The following ZNF385D variants were observed in gnomAD, a reference collection of about 807,000 sequenced individuals.
The protein encoded by ZNF385D is zinc finger protein 659.
A neutral mutation model predicts 35.8 loss-of-function variants in ZNF385D; 15 were observed. That is an observed-to-expected ratio of 0.42 (90% CI 0.28 to 0.64). ZNF385D has a LOEUF of 0.64. ZNF385D is among the 30% of genes least tolerant of loss of function. ZNF385D has a pLI of 0.23. For missense variants in ZNF385D, 474 were observed against 494.6 expected (o/e 0.96, Z 0.39); for synonymous variants, 212 against 186.8 (o/e 1.13, Z -1.10).
At chr3:22,272,303 T>C (rs1264425555) in intron 2 of ZNF385D, among the ~76,000 whole-genome samples, 1 of 151,982 alleles carries the variant, frequency 6.6e-6, no homozygotes, top group African/African-American at 2.4e-5. Flanking sequence ...CATAATCTAT[T>C]GTCTTTCCCG....
intron 3 of ZNF385D, among the ~76,000 whole-genome samples, chr3:22,064,840 G>C (rs895425948): frequency 2.0e-5 from 3 of 152,156 alleles, no homozygotes; most frequent in Admixed American, 2.0e-4. Flanking sequence ...AGTTAGAGAG[G>C]AGGAAGAATC....
At chr3:21,961,539 A>C (rs138106514) in intron 3 of ZNF385D, 22 of 152,300 alleles carry the variant, frequency 1.4e-4, no homozygotes, top group Non-Finnish European at 2.6e-4. Context: ...CCTTAGAACA[A>C]ACTATAGTGA....
chr3:22,050,389 AACC>A (rs879265971), intron 3 of ZNF385D, among the ~76,000 whole-genome samples: 11 of 152,238 alleles, frequency 7.2e-5, no homozygotes, highest in Non-Finnish European at 1.5e-4. Context: ...CAAACAAAAA[AACC>A]ACCACCACAA....
At chr3:21,424,134 T>A in intron 6 of ZNF385D, 70 bp from the exon 7 acceptor site, 1 of 1,340,862 alleles carries the variant, frequency 7.5e-7, no homozygotes, top group African/African-American at 1.5e-5. Context: ...AATATTGCTT[T>A]AACCTGGAGA....
At chr3:21,504,138 A>G (rs751257352) in intron 4 of ZNF385D, among the ~76,000 whole-genome samples, 4 of 152,136 alleles carry the variant, frequency 2.6e-5, no homozygotes, top group African/African-American at 4.8e-5. Context: ...GACTTTACCA[A>G]TTAGATGACT....
At chr3:21,547,906 C>T (rs561087052) in intron 3 of ZNF385D, among the ~76,000 whole-genome samples, 5 of 152,208 alleles carry the variant, frequency 3.3e-5, no homozygotes, top group South Asian at 4.1e-4. Context: ...CCAATGCACC[C>T]GGCCACACGT....
rs145192724 is a variant in ZNF385D, at chr3:22,023,002, A to C, written c.325+145815T>G. 2.4e-3 allele frequency among the ~76,000 whole-genome samples: 363 copies of C among 152,270 alleles called. 2 individuals are homozygous for C. The highest frequency in any genetic ancestry group is 5.4e-3 in the Admixed American group (82 of 15,284). On this transcript the variant is annotated intron_variant, in intron 3 of 5. Transcript: ENST00000494108. Reference sequence around the variant, plus strand: ...AAAGAAGGCAAATAAACAGAACACAAAATAAAAGTACACAGTTCTCTGTTC... The same window carrying C: ...AAAGAAGGCAAATAAACAGAACACACAATAAAAGTACACAGTTCTCTGTTC...
At chr3:22,037,156 G>C (rs1001509383) in intron 3 of ZNF385D, among the ~76,000 whole-genome samples, 4 of 151,834 alleles carry the variant, frequency 2.6e-5, no homozygotes, top group East Asian at 3.9e-4. Flanking sequence ...ATTGTGAATA[G>C]TGCCGCAATA....
At position 21,489,783 on chromosome 3, in the gene ZNF385D, G is replaced by A. The variant is rs542471508; in HGVS notation, c.439+21078C>T. On this transcript the variant is annotated intron_variant, in intron 4 of 7. Transcript: ENST00000281523. ...GGGTTATGGACCTCTAGAAGTCTAG[G>A]AAGTTCCTGGTTCCAGACCTCCAGC... is the stretch of plus-strand genomic sequence containing the variant. Among the ~76,000 whole-genome samples, 42 of 152,152 alleles carry A rather than the reference G, an allele frequency of 2.8e-4. 1 individual carries two copies. In the South Asian group the frequency reaches 5.2e-3, roughly 19 times the overall value.
intron 2 of ZNF385D, among the ~76,000 whole-genome samples, chr3:21,661,850 A>G (rs2066246415): frequency 1.3e-5 from 2 of 152,150 alleles, no homozygotes; most frequent in Admixed American, 6.5e-5. Context: ...TTACTTTTAT[A>G]GACGTTTCAT....
At chr3:22,286,666 T>A (rs1702040463) in intron 2 of ZNF385D, among the ~76,000 whole-genome samples, 1 of 152,172 alleles carries the variant, frequency 6.6e-6, no homozygotes, top group Non-Finnish European at 1.5e-5. Context: ...TGTTCAAAAG[T>A]ATGTTTCATT....
chr3:21,971,922 T>C (rs1451470648), intron 3 of ZNF385D, among the ~76,000 whole-genome samples: 3 of 151,948 alleles, frequency 2.0e-5, no homozygotes, highest in Non-Finnish European at 2.9e-5. Context: ...ACTGTAAATA[T>C]ATATGCACCC....
chr3:22,368,316 G>A (rs1005147422), intron 2 of ZNF385D, among the ~76,000 whole-genome samples: 1 of 152,192 alleles, frequency 6.6e-6, no homozygotes, highest in African/African-American at 2.4e-5. Flanking sequence ...ACTACTAGAA[G>A]TAGTACAGAA....
At position 21,978,977 on chromosome 3, in the gene ZNF385D, G is replaced by T. The variant is rs1335073183; in HGVS notation, c.325+189840C>A. Among the ~76,000 whole-genome samples, 11 of 152,208 alleles carry T rather than the reference G, an allele frequency of 7.2e-5. No homozygotes were observed. The South Asian group carries it at 8.3e-4, about 11-fold the overall frequency. Reference sequence around the variant, plus strand: ...TAAAATTGGAAATTTAAATTTGAAAGCTTATTTGCTCAGTATGCAGCTTCC... The same window carrying T: ...TAAAATTGGAAATTTAAATTTGAAATCTTATTTGCTCAGTATGCAGCTTCC... On this transcript the variant is annotated intron_variant, in intron 3 of 5. Transcript: ENST00000494108.
intron 4 of ZNF385D, among the ~76,000 whole-genome samples, chr3:21,482,329 C>T (rs922805136): frequency 1.3e-5 from 2 of 152,130 alleles, no homozygotes; most frequent in Non-Finnish European, 2.9e-5. Flanking sequence ...GGAACACTGG[C>T]CATGACCACT....
At chr3:22,370,571 G>A (rs78708432) in intron 2 of ZNF385D, among the ~76,000 whole-genome samples, 1 of 152,168 alleles carries the variant, frequency 6.6e-6, no homozygotes, top group African/African-American at 2.4e-5. Context: ...TTAAAACTTA[G>A]AGAGGTTTAT....
intron 3 of ZNF385D, among the ~76,000 whole-genome samples, chr3:21,807,118 G>A (rs1443392595): frequency 6.6e-6 from 1 of 152,158 alleles, no homozygotes; most frequent in Non-Finnish European, 1.5e-5. Context: ...TGAATCAGAT[G>A]TGTAATTTTC....
intron 2 of ZNF385D, among the ~76,000 whole-genome samples, chr3:22,314,198 T>C (rs1228404308): frequency 6.6e-6 from 1 of 152,176 alleles, no homozygotes; most frequent in East Asian, 1.9e-4. Context: ...TGGTGATTTG[T>C]GAGATTTTGG....
chr3:21,896,339 ATACT>A (rs1381479737), intron 3 of ZNF385D, among the ~76,000 whole-genome samples: 1 of 152,212 alleles, frequency 6.6e-6, no homozygotes, highest in Non-Finnish European at 1.5e-5. Flanking sequence ...ATTTTAATAG[ATACT>A]TACCCATGGT....
Sources: allele counts gnomAD v4.1 joint callset (sites outside exome capture counted in the v4.1 genomes callset), GRCh38; gene constraint gnomAD v4.1.1; transcripts MANE v1.5; gene names NCBI Gene and HGNC (gene_info 2026-07-23, HGNC 2026-07-21).